Variants in TEX14 observed in about 807,000 individuals in gnomAD.
TEX14 encodes the protein inactive serine/threonine-protein kinase TEX14.
A neutral mutation model predicts 178.6 loss-of-function variants in TEX14; 168 were observed. That is an observed-to-expected ratio of 0.94 (90% CI 0.83 to 1.07). The LOEUF (loss-of-function observed/expected upper bound fraction) is 1.07. Ranked by LOEUF, TEX14 falls within the 50% of genes least tolerant of loss-of-function variation. The probability of loss-of-function intolerance (pLI) is 0.00; values close to 1 mark genes in which losing one functional copy is unlikely to be tolerated. For missense variants in TEX14, 1,730 were observed against 1,753.6 expected (o/e 0.99, Z 0.24); for synonymous variants, 626 against 634.1 (o/e 0.99, Z 0.19).
At chr17:58,663,459 A>C (rs2143396753) in intron 1 of TEX14, among the ~76,000 whole-genome samples, 1 of 151,596 alleles carries the variant, frequency 6.6e-6, no homozygotes, top group South Asian at 2.1e-4. Context: ...TGCCAATGTA[A>C]CTGAATCTAA....
chr17:58,618,355 C>A (rs2045924046), intron 5 of TEX14, among the ~76,000 whole-genome samples: 1 of 152,224 alleles, frequency 6.6e-6, no homozygotes, highest in African/African-American at 2.4e-5. Context: ...AGGAAACTTG[C>A]TGGCCTGAGG....
At chr17:58,561,204 G>A (rs1379047404) in intron 29 of TEX14, among the ~76,000 whole-genome samples, 1 of 152,138 alleles carries the variant, frequency 6.6e-6, no homozygotes, top group African/African-American at 2.4e-5. Context: ...CTAGATTTGT[G>A]TTATCTAAAA....
rs188433987 is a variant in TEX14 at position 58,635,057 on chromosome 17, G to A, written c.137-4503C>T. ...TGAGGGAGGAGAATTGCTGGAACCC[G>A]GAAGGTGGAAGTTGCAGTGAGCTGA... On this transcript the variant is annotated intron_variant, in intron 2 of 31. Transcript: ENST00000349033. Among the ~76,000 whole-genome samples the A allele has an allele frequency of 5.8e-3, 882 of 151,984 alleles. 5 individuals carry two copies. The highest frequency in any genetic ancestry group is 9.2e-3 in the African/African-American group (381 of 41,478).
rs770414585 is a variant in TEX14 at position 58,601,875 on chromosome 17, A to ATT, written c.1608_1609insAA (p.Tyr537AsnfsTer3). On this transcript the variant is annotated frameshift_variant, in exon 13 of 32. Transcript: ENST00000349033. LOFTEE classifies it high-confidence loss of function. ...GGGTGTTCTGAAGTCAGTCCTAGAT[A>ATT]GACATTGACATCGGGATGGAGTCCG... is the stretch of plus-strand genomic sequence containing the variant. The ATT allele has an allele frequency of 2.5e-5, 40 of 1,613,244 alleles. No homozygotes were observed. The highest frequency in any genetic ancestry group is 1.4e-5 in the Non-Finnish European group (16 of 1,179,950).
intron 10 of TEX14, among the ~76,000 whole-genome samples, chr17:58,608,694 G>A (rs1218625417): frequency 2.6e-5 from 4 of 152,260 alleles, no homozygotes; most frequent in South Asian, 2.1e-4. Context: ...GTACATTTGC[G>A]TGACGCATGT....
At position 58,601,900 on chromosome 17, in the gene TEX14, G is replaced by GT. The variant is rs1567728739; in HGVS notation, c.1583dup (p.Tyr528Ter). 3.7e-6 allele frequency: 6 copies of GT among 1,613,350 alleles called. No individual in the cohort carries two copies. Among genetic ancestry groups the GT allele is most frequent in the East Asian group, 2.2e-5 (1 of 44,872 alleles). The change falls in exon 13 of 32, where the codon TAC becomes TAAC. Residue 528 changes from tyrosine to a stop codon, truncating the protein, a stop_gained and frameshift_variant. Coordinates refer to ENST00000349033, the MANE Select transcript of TEX14 (RefSeq NM_031272.5). LOFTEE classifies it high-confidence loss of function. ...AGACATTGACATCGGGATGGAGTCC[G>GT]TATCTCTGCACTCTGGGGCTCTCGG... ...QPTESPRVQR[Y>*]GLHPDVNVYL...
intron 5 of TEX14, among the ~76,000 whole-genome samples, chr17:58,618,690 T>C (rs2144537497): frequency 6.6e-6 from 1 of 152,358 alleles, no homozygotes; most frequent in East Asian, 1.9e-4. Context: ...CAGCCCTACC[T>C]CAGGTCTGTG....
intron 1 of TEX14, among the ~76,000 whole-genome samples, chr17:58,688,519 T>C (rs1469542724): frequency 6.6e-6 from 1 of 152,244 alleles, no homozygotes; most frequent in Admixed American, 6.5e-5. Context: ...ATTAGAATGC[T>C]GTAAAAACTG....
intron 2 of TEX14, among the ~76,000 whole-genome samples, chr17:58,650,804 T>A (rs1412138255): frequency 7.9e-5 from 12 of 152,110 alleles, no homozygotes; most frequent in Non-Finnish European, 1.6e-4. Context: ...AACTATTCAG[T>A]GGGATAGGTG....
intron 19 of TEX14, chr17:58,581,631 G>C (rs2044822922): frequency 6.2e-7 from 1 of 1,613,664 alleles, no homozygotes; most frequent in South Asian, 1.1e-5. Context: ...AAGTTTTCTT[G>C]AGCAGTCGAG....
chr17:58,577,780 T>A (rs1220723361), intron 20 of TEX14, among the ~76,000 whole-genome samples: 2 of 152,252 alleles, frequency 1.3e-5, no homozygotes, highest in Non-Finnish European at 1.5e-5. Flanking sequence ...GAAGGCAAAC[T>A]GACCCGGTTC....
In TEX14 at chr17:58,615,247, T is replaced by A. The variant is rs1382383228; in HGVS notation, c.866A>T (p.Glu289Val). The A allele has an allele frequency of 6.2e-7, 1 of 1,612,102 alleles. No individual in the cohort carries two copies. The highest frequency in any genetic ancestry group is 1.3e-5 in the African/African-American group (1 of 74,868). Residue 289 changes from glutamate (E) to valine (V), a missense_variant, in exon 8 of 32, where the codon GAG becomes GTG. Coordinates refer to ENST00000349033, the MANE Select transcript of TEX14 (RefSeq NM_031272.5). ...TCCTTCTCACCTGCTGTGTTCCTGCTCGGCAATTAACAAGTCGGCCAGCCG... is the reference window on the plus strand; with the variant it reads ...TCCTTCTCACCTGCTGTGTTCCTGCACGGCAATTAACAAGTCGGCCAGCCG... ...RLRLADLLIA[E>V]QEHSSKLRHP...
intron 1 of TEX14, among the ~76,000 whole-genome samples, chr17:58,652,812 C>T (rs78371887): frequency 0.049 from 7,391 of 152,244 alleles, 374 homozygotes; most frequent in African/African-American, 0.13. Context: ...GTTCACAGTT[C>T]AGACTCTGAA....
intron 1 of TEX14, among the ~76,000 whole-genome samples, chr17:58,668,411 A>G (rs1351919924): frequency 1.3e-5 from 2 of 152,208 alleles, no homozygotes; most frequent in African/African-American, 4.8e-5. Flanking sequence ...TGCAGTAACT[A>G]TAAACCCCTG....
intron 2 of TEX14, among the ~76,000 whole-genome samples, chr17:58,648,838 G>C (rs1267867603): frequency 2.1e-5 from 3 of 144,400 alleles, no homozygotes; most frequent in Non-Finnish European, 4.5e-5. Context: ...TGCCCAGGCT[G>C]GAGTGCAGTG....
intron 15 of TEX14, among the ~76,000 whole-genome samples, chr17:58,591,593 A>G (rs1234885302): frequency 6.6e-6 from 1 of 152,134 alleles, no homozygotes; most frequent in East Asian, 1.9e-4. Context: ...ATTTGCCAAC[A>G]TGAAACAAAC....
chr17:58,632,701 A>G (rs1391596403), intron 2 of TEX14, among the ~76,000 whole-genome samples: 1 of 152,232 alleles, frequency 6.6e-6, no homozygotes, highest in South Asian at 2.1e-4. Flanking sequence ...ATAAGCGAAC[A>G]GAATGTAGAG....
chr17:58,616,188 T>C lies in TEX14; in HGVS notation c.754A>G (p.Met252Val), dbSNP rs201657842. The C allele has an allele frequency of 3.7e-6, 6 of 1,613,646 alleles. No individual in the cohort carries two copies. The highest frequency in any genetic ancestry group is 4.5e-5 in the East Asian group (2 of 44,870). ...GCCCCCACTTACTTGGTCATGACCA[T>C]GTAGGGGCCGCTGAAGAAAGAGAAG... is the stretch of plus-strand genomic sequence containing the variant. ...PTFSFFSGPY[M>V]VMTNLVWNGS... The change falls in exon 7 of 32, where the codon ATG (methionine) becomes GTG (valine). Residue 252 changes from methionine to valine, a missense_variant. Transcript: ENST00000349033.
intron 3 of TEX14, among the ~76,000 whole-genome samples, chr17:58,626,660 T>C (rs1207437480): frequency 6.7e-6 from 1 of 149,468 alleles, no homozygotes. Flanking sequence ...GGCAGATGGA[T>C]CACCTGAGGT....
Sources: allele counts gnomAD v4.1 joint callset (sites outside exome capture counted in the v4.1 genomes callset), GRCh38; gene constraint gnomAD v4.1.1; transcripts MANE v1.5; gene names NCBI Gene and HGNC (gene_info 2026-07-23, HGNC 2026-07-21).